Variants in ZMAT4 observed in about 807,000 individuals in gnomAD.
ZMAT4 encodes zinc finger matrin-type 4.
Under a neutral mutation model 28.7 loss-of-function variants are expected in ZMAT4, and 17 were observed. The ratio of observed to expected loss-of-function variants is 0.59; its 90% CI spans 0.41 to 0.89. The LOEUF is 0.89. ZMAT4 is among the 40% of genes least tolerant of loss of function. The pLI is 0.00. For missense variants in ZMAT4, 240 were observed against 283.8 expected, an observed-to-expected ratio of 0.85 and a Z score of 1.11; for synonymous variants, 117 against 109.2, an observed-to-expected ratio of 1.07 and a Z score of -0.44.
At chr8:40,884,157 G>A (rs747930451) in intron 1 of ZMAT4, among the ~76,000 whole-genome samples, 2 of 152,034 alleles carry the variant, frequency 1.3e-5, no homozygotes, top group Non-Finnish European at 2.9e-5. Context: ...TGAGAAAAAT[G>A]AAGGCATCCA....
chr8:40,545,042 T>C (rs1363664017), intron 6 of ZMAT4, among the ~76,000 whole-genome samples: 2 of 152,208 alleles, frequency 1.3e-5, no homozygotes, highest in Non-Finnish European at 2.9e-5. Context: ...TTTACTGTGA[T>C]CATTGTGAGT....
chr8:40,714,360 G>T (rs1194828209), intron 3 of ZMAT4, among the ~76,000 whole-genome samples: 1 of 152,126 alleles, frequency 6.6e-6, no homozygotes, highest in East Asian at 1.9e-4. Flanking sequence ...GATAATATTT[G>T]AACAAACTGT....
rs147420842 is a variant in ZMAT4 at position 40,673,328 on chromosome 8, T to C, written c.577+1376A>G. ...ATTGTAGCATGACCTTTTATATTAC[T>C]TATTTTGTCTAGAAATGTTCCAAGT... is the stretch of plus-strand genomic sequence containing the variant. On this transcript the variant is annotated intron_variant, in intron 5 of 6. Transcript: ENST00000297737. 4.8e-3 allele frequency among the ~76,000 whole-genome samples: 732 copies of C among 152,332 alleles called. 1 individual carries two copies. Among genetic ancestry groups the C allele is most frequent in the Non-Finnish European group, 7.0e-3 (479 of 68,028 alleles).
Position 40,674,783 on chromosome 8 carries a change from G to A in ZMAT4, c.498C>T (p.Gly166=). The A allele has an allele frequency of 6.2e-7, 1 of 1,613,866 alleles. No individual in the cohort carries two copies. The highest frequency in any genetic ancestry group is 8.5e-7 in the Non-Finnish European group (1 of 1,179,898). ...NPLMAQQHYD[G]KKHKKNAARV... is the part of the protein sequence containing the mutation. ...TTGCCGCATTCTTTTTGTGTTTCTTGCCATCATAATGTTGCTGGGCCATCA... is the reference window on the plus strand; with the variant it reads ...TTGCCGCATTCTTTTTGTGTTTCTTACCATCATAATGTTGCTGGGCCATCA... Residue 166 remains glycine, a synonymous_variant, in exon 5 of 7, where the codon GGC becomes GGT. Coordinates refer to ENST00000297737, the MANE Select transcript of ZMAT4 (RefSeq NM_024645.3).
At chr8:40,626,786 C>A (rs564741746) in intron 5 of ZMAT4, among the ~76,000 whole-genome samples, 45 of 152,220 alleles carry the variant, frequency 3.0e-4, no homozygotes, top group Non-Finnish European at 5.7e-4. Flanking sequence ...GATGGACAGG[C>A]ACCAGTTATG....
chr8:40,843,160 C>A (rs778087964), intron 1 of ZMAT4, among the ~76,000 whole-genome samples: 1 of 152,244 alleles, frequency 6.6e-6, no homozygotes, highest in African/African-American at 2.4e-5. Context: ...GGCCAAGAAG[C>A]AATTTTGGTT....
chr8:40,850,655 C>A (rs1482698682), intron 1 of ZMAT4, among the ~76,000 whole-genome samples: 1 of 152,108 alleles, frequency 6.6e-6, no homozygotes, highest in Non-Finnish European at 1.5e-5. Context: ...GTCTCCAGTC[C>A]CTGAGTTCTT....
At chr8:40,764,592 C>T (rs1048795908) in intron 3 of ZMAT4, among the ~76,000 whole-genome samples, 10 of 152,100 alleles carry the variant, frequency 6.6e-5, no homozygotes, top group Admixed American at 2.6e-4. Flanking sequence ...GATGTGAATG[C>T]TCTTCTCAAT....
chr8:40,829,740 G>A (rs1226877499), intron 1 of ZMAT4, among the ~76,000 whole-genome samples: 1 of 152,134 alleles, frequency 6.6e-6, no homozygotes, highest in African/African-American at 2.4e-5. Flanking sequence ...AAGACAGAAA[G>A]GATTATCAAG....
intron 5 of ZMAT4, among the ~76,000 whole-genome samples, chr8:40,601,642 A>AGGCAGGC (rs1805371634): frequency 5.0e-5 from 2 of 40,096 alleles, no homozygotes; most frequent in Admixed American, 2.2e-4. Flanking sequence ...AAGAGAAAGA[A>AGGCAGGC]AGAAAGAAAG....
chr8:40,784,837 T>A (rs543551878), intron 2 of ZMAT4, among the ~76,000 whole-genome samples: 2 of 152,344 alleles, frequency 1.3e-5, no homozygotes, highest in East Asian at 3.9e-4. Flanking sequence ...GATGTGACGA[T>A]AAAAGTACAT....
intron 1 of ZMAT4, among the ~76,000 whole-genome samples, chr8:40,893,633 G>C (rs532128102): frequency 6.6e-6 from 1 of 152,288 alleles, no homozygotes; most frequent in South Asian, 2.1e-4. Flanking sequence ...GCAGGTGCCT[G>C]GAATTTGACT....
chr8:40,648,543 G>A (rs1807467748), intron 5 of ZMAT4, among the ~76,000 whole-genome samples: 1 of 144,842 alleles, frequency 6.9e-6, no homozygotes, highest in South Asian at 2.3e-4. Context: ...AGCAAGGCAG[G>A]CCAACGTTCA....
intron 2 of ZMAT4, among the ~76,000 whole-genome samples, chr8:40,822,118 C>T (rs1020752813): frequency 1.3e-5 from 2 of 152,184 alleles, no homozygotes; most frequent in Admixed American, 1.3e-4. Flanking sequence ...TATCAAATTC[C>T]GTCAGTAGCT....
chr8:40,846,388 G>T (rs534086059), intron 1 of ZMAT4, among the ~76,000 whole-genome samples: 3 of 152,212 alleles, frequency 2.0e-5, no homozygotes, highest in Non-Finnish European at 2.9e-5. Flanking sequence ...AGAGCTCAGG[G>T]CTGGGACAGC....
intron 3 of ZMAT4, among the ~76,000 whole-genome samples, chr8:40,762,592 G>T (rs1812986781): frequency 6.6e-6 from 1 of 152,044 alleles, no homozygotes; most frequent in Non-Finnish European, 1.5e-5. Context: ...GGAGTTCGAG[G>T]CTGCAATGAG....
chr8:40,778,204 T>G (rs1168403810), intron 2 of ZMAT4, among the ~76,000 whole-genome samples: 1 of 152,236 alleles, frequency 6.6e-6, no homozygotes, highest in African/African-American at 2.4e-5. Flanking sequence ...AATTATATTT[T>G]AAAAGTCAAA....
chr8:40,664,473 C>T (rs1205344263), intron 5 of ZMAT4, among the ~76,000 whole-genome samples: 1 of 152,190 alleles, frequency 6.6e-6, no homozygotes, highest in Non-Finnish European at 1.5e-5. Context: ...TTCCATTATG[C>T]TTCCAATACC....
At chr8:40,736,001 T>C (rs1300525219) in intron 3 of ZMAT4, among the ~76,000 whole-genome samples, 1 of 152,136 alleles carries the variant, frequency 6.6e-6, no homozygotes, top group African/African-American at 2.4e-5. Context: ...GATGGATTAT[T>C]TAGGAATGCA....
Sources: allele counts gnomAD v4.1 joint callset (sites outside exome capture counted in the v4.1 genomes callset), GRCh38; gene constraint gnomAD v4.1.1; transcripts MANE v1.5; gene names NCBI Gene and HGNC (gene_info 2026-07-23, HGNC 2026-07-21).